Variants in TECPR1 observed in about 807,000 individuals in gnomAD.
TECPR1 encodes tectonin beta-propeller repeat-containing protein 1.
In TECPR1, 122 loss-of-function variants were observed where a neutral mutation model predicts 162.4. That is an observed-to-expected ratio of 0.75 (90% confidence interval 0.65 to 0.87). The LOEUF (loss-of-function observed/expected upper bound fraction) is 0.87. Ranked by LOEUF, TECPR1 falls within the 40% of genes least tolerant of loss-of-function variation. The probability of loss-of-function intolerance (pLI) is 0.00; values close to 1 mark genes in which losing one functional copy is unlikely to be tolerated. For synonymous variants in TECPR1, 642 were observed against 670.6 expected, an observed-to-expected ratio of 0.96 and a Z score of 0.66; for missense variants, 1,432 against 1,618.2, an observed-to-expected ratio of 0.88 and a Z score of 1.97.
chr7:98,217,385 G>T lies in TECPR1; in HGVS notation c.*5C>A, dbSNP rs764533827. ...CGTCCCTGCATGTAGGTGTGTGGGG[G>T]GGCCTCAGCAGCAGACGGGGCCATG... is the stretch of plus-strand genomic sequence containing the variant. On this transcript the variant is annotated 3_prime_UTR_variant, in exon 26 of 26. Coordinates refer to ENST00000447648, the MANE Select transcript of TECPR1 (RefSeq NM_015395.3). 31 of 1,542,770 alleles carry T rather than the reference G, an allele frequency of 2.0e-5. No individual in the cohort carries two copies. Among genetic ancestry groups the T allele is most frequent in the Non-Finnish European group, 2.7e-5 (31 of 1,134,272 alleles).
At position 98,215,937 on chromosome 7, in the gene TECPR1, T is replaced by C. The variant is rs1291116204; in HGVS notation, c.*1453A>G. The C allele has an allele frequency of 1.3e-5, 2 of 152,226 alleles. No homozygotes were observed. The highest frequency in any genetic ancestry group is 3.9e-4 in the East Asian group (2 of 5,166). 9.4% of individuals were successfully genotyped at this position (152,226 alleles called of 1,614,324 possible). A position where few individuals can be genotyped will look rare whatever the true frequency, so the allele number is the denominator to read the frequency against. On this transcript the variant is annotated 3_prime_UTR_variant, in exon 26 of 26. Transcript: ENST00000447648. The stretch of plus-strand genomic sequence containing the variant: ...ATCAGCTTTTGGGTGACAAACCCCA[T>C]ACAGCAAAACTGTACAAATACACAC...
At chr7:98,237,508 A>G (rs10257827) in intron 9 of TECPR1, among the ~76,000 whole-genome samples, 147,300 of 151,894 alleles carry the variant, frequency 0.97, 71,577 homozygotes, top group South Asian at 1. Context: ...TTGCTCTGTC[A>G]CCCAGGCTGG....
rs756758225 is a variant in TECPR1 at position 98,245,073 on chromosome 7, G to T, written c.226-6C>A. 3 of 1,573,222 alleles carry T rather than the reference G, an allele frequency of 1.9e-6. No homozygotes were observed. Among genetic ancestry groups the T allele is most frequent in the Non-Finnish European group, 2.6e-6 (3 of 1,160,306 alleles). ...CCGCCCATGGGATTCCAGCGCTGAG[G>T]GCCGGGGACACAGAGGCGGCCTTGG... On this transcript the variant is annotated splice_polypyrimidine_tract_variant and splice_region_variant and intron_variant, in intron 3 of 25. Coordinates refer to ENST00000447648, the MANE Select transcript of TECPR1 (RefSeq NM_015395.3).
chr7:98,229,308 C>T lies in TECPR1; in HGVS notation c.2283-142G>A, dbSNP rs950526983. ...TCCAAGCACAGACCATCCACCCTGCCTGACCTCCGCGTTCATATTAATCAA... is the reference window on the plus strand; with the variant it reads ...TCCAAGCACAGACCATCCACCCTGCTTGACCTCCGCGTTCATATTAATCAA... On this transcript the variant is annotated intron_variant, in intron 15 of 25. Transcript: ENST00000447648. 3.6e-6 allele frequency: 4 copies of T among 1,109,092 alleles called. No individual in the cohort carries two copies. The African/African-American group carries it at 6.3e-5, about 17-fold the overall frequency. The allele number at this position is 1,109,092 out of a possible 1,614,324, so 68.7% of individuals were successfully genotyped here.
At chr7:98,248,892 T>G (rs1798985353) in intron 2 of TECPR1, among the ~76,000 whole-genome samples, 1 of 148,160 alleles carries the variant, frequency 6.7e-6, no homozygotes, top group African/African-American at 2.5e-5. Context: ...ACAAGGTGCA[T>G]CTTTTTTTTT....
intron 10 of TECPR1, among the ~76,000 whole-genome samples, chr7:98,235,849 A>AAACAAAAAAAAAAAACAAC (rs1554401446): frequency 7.3e-5 from 8 of 110,310 alleles, no homozygotes; most frequent in East Asian, 6.9e-4. Flanking sequence ...AAAAAAAAAA[A>AAACAAAAAAAAAAAACAAC]AACACCATCT....
At position 98,241,031 on chromosome 7, in the gene TECPR1, C is replaced by T; in HGVS notation, c.832+39G>A. On this transcript the variant is annotated intron_variant, in intron 7 of 25. Transcript: ENST00000447648. The surrounding 1 kb of genome is among the most constrained non-coding windows in gnomAD (Gnocchi z 5.0). The stretch of plus-strand genomic sequence containing the variant: ...AGCGAGTGACCCTCACCCTTCTCCC[C>T]AGTACAGGGTATGTGGGTGGGGGAG... 14 of 1,591,300 alleles carry T rather than the reference C, an allele frequency of 8.8e-6. No individual in the cohort carries two copies. Among genetic ancestry groups the T allele is most frequent in the Non-Finnish European group, 1.2e-5 (14 of 1,169,284 alleles).
chr7:98,226,321 A>G (rs891133971), intron 17 of TECPR1, among the ~76,000 whole-genome samples: 1 of 152,254 alleles, frequency 6.6e-6, no homozygotes, highest in Non-Finnish European at 1.5e-5. Flanking sequence ...GTAAACACAC[A>G]GACACACAAA....
rs1797988733 is a variant in TECPR1, at chr7:98,215,655, C to CT, written c.*1734dup. 1 of 152,286 alleles carries CT rather than the reference C, an allele frequency of 6.6e-6. No individual in the cohort carries two copies. Among genetic ancestry groups the CT allele is most frequent in the African/African-American group, 2.4e-5 (1 of 41,474 alleles). 9.4% of individuals were successfully genotyped at this position (152,286 alleles called of 1,614,324 possible). A position where few individuals can be genotyped will look rare whatever the true frequency, so the allele number is the denominator to read the frequency against. On this transcript the variant is annotated 3_prime_UTR_variant, in exon 26 of 26. Transcript: ENST00000447648. ...CTCCCCGTACCTCGCTGAGAGCCAC[C>CT]TGCAGACACAGCAGGCCACAGCAGA...
rs1019312527 is a variant in TECPR1 at position 98,217,815 on chromosome 7, G to A, written c.3265-4C>T. ...CTTTGTTGGCGATCACCCAGACCTG[G>A]AGCACAGACCCCATGAAGCCCTCAG... On this transcript the variant is annotated splice_polypyrimidine_tract_variant and splice_region_variant and intron_variant, in intron 24 of 25. Coordinates refer to ENST00000447648, the MANE Select transcript of TECPR1 (RefSeq NM_015395.3). 3.2e-6 allele frequency: 5 copies of A among 1,549,678 alleles called. No homozygotes were observed. The African/African-American group carries it at 4.1e-5, about 13-fold the overall frequency.
rs547954291 is a variant in TECPR1 at position 98,232,708 on chromosome 7, G to A, written c.1818+119C>T. ...CATTTCTCTATGCCTGCATCTGGGC[G>A]GGAGACCAGGGGATGGAGGCATCTA... is the stretch of plus-strand genomic sequence containing the variant. On this transcript the variant is annotated intron_variant, in intron 12 of 25. Coordinates refer to ENST00000447648, the MANE Select transcript of TECPR1 (RefSeq NM_015395.3). The surrounding 1 kb of genome is among the most constrained non-coding windows in gnomAD (Gnocchi z 4.6). 12 of 1,285,938 alleles carry A rather than the reference G, an allele frequency of 9.3e-6. No individual in the cohort carries two copies. The African/African-American group carries it at 1.2e-4, about 13-fold the overall frequency. 79.7% of individuals were successfully genotyped at this position (1,285,938 alleles called of 1,614,324 possible).
chr7:98,236,440 C>T (rs911710596), intron 10 of TECPR1, among the ~76,000 whole-genome samples: 1 of 151,954 alleles, frequency 6.6e-6, no homozygotes, highest in Non-Finnish European at 1.5e-5. Context: ...GATCTTCAGC[C>T]TCGGACCCAA....
In TECPR1 at chr7:98,216,968, GT is replaced by G. The variant is rs1295438762; in HGVS notation, c.*421del. 4 of 177,546 alleles carry G rather than the reference GT, an allele frequency of 2.3e-5. No homozygotes were observed. The East Asian group carries it at 6.5e-4, about 29-fold the overall frequency. 11.0% of individuals were successfully genotyped at this position (177,546 alleles called of 1,614,324 possible). A position where few individuals can be genotyped will look rare whatever the true frequency, so the allele number is the denominator to read the frequency against. On this transcript the variant is annotated 3_prime_UTR_variant, in exon 26 of 26. Transcript: ENST00000447648. Reference sequence around the variant, plus strand: ...CTGAGCCCCATGGCCATCTCTCTTGGTGAGGGGTGGCGGGCCCGGGTGCTGT... The same window carrying G: ...CTGAGCCCCATGGCCATCTCTCTTGGGAGGGGTGGCGGGCCCGGGTGCTGT...
In TECPR1 at chr7:98,236,898, G is replaced by A. The variant is rs754941877; in HGVS notation, c.1059C>T (p.Asp353=). The change falls in exon 10 of 26, where the codon GAC becomes GAT. Residue 353 remains aspartate (D), a synonymous_variant. Coordinates refer to ENST00000447648, the MANE Select transcript of TECPR1 (RefSeq NM_015395.3). The part of the protein sequence containing the change: ...NDQVWGIGCE[D]RAVYFRQGVT... Reference sequence around the variant, plus strand: ...CACCCTGCCGGAAGTACACGGCTCGGTCCTCACAGCCAATGCCCCACACCT... The same window carrying A: ...CACCCTGCCGGAAGTACACGGCTCGATCCTCACAGCCAATGCCCCACACCT... The A allele has an allele frequency of 1.3e-6, 2 of 1,571,070 alleles. No homozygotes were observed. The highest frequency in any genetic ancestry group is 1.7e-6 in the Non-Finnish European group (2 of 1,159,278).
intron 15 of TECPR1, 75 bp from the exon 16 acceptor site, chr7:98,229,241 C>T (rs1370929609): frequency 4.0e-6 from 6 of 1,504,656 alleles, no homozygotes; most frequent in Non-Finnish European, 5.4e-6. Flanking sequence ...CCCTTTTGTT[C>T]CGTGTCCTCC....
In TECPR1 at chr7:98,224,883, G is replaced by A; in HGVS notation, c.2611-3C>T. On this transcript the variant is annotated splice_polypyrimidine_tract_variant and splice_region_variant and intron_variant, in intron 18 of 25. Transcript: ENST00000447648. Reference sequence around the variant, plus strand: ...AAATCCACGAACCAGTCGGAAACCTGGGAGGAGTGGGTCAGTGAGGATGGG... The same window carrying A: ...AAATCCACGAACCAGTCGGAAACCTAGGAGGAGTGGGTCAGTGAGGATGGG... The A allele has an allele frequency of 3.2e-6, 5 of 1,559,118 alleles. No individual in the cohort carries two copies. The highest frequency in any genetic ancestry group is 1.2e-5 in the South Asian group (1 of 84,492).
At chr7:98,229,189 G>A in intron 15 of TECPR1, 23 bp from the exon 16 acceptor site, 1 of 1,550,328 alleles carries the variant, frequency 6.5e-7, no homozygotes, top group East Asian at 2.4e-5. Flanking sequence ...GAGAGGGCAG[G>A]TGGAAACCCC....
intron 10 of TECPR1, among the ~76,000 whole-genome samples, chr7:98,236,561 G>A (rs139638913): frequency 6.6e-6 from 1 of 151,662 alleles, no homozygotes; most frequent in East Asian, 2.0e-4. Context: ...ACCTCCAGTG[G>A]CCACCCCAGG....
At chr7:98,245,097 G>T (rs1417773606) in intron 3 of TECPR1, 30 bp from the exon 4 acceptor site, 2 of 1,556,876 alleles carry the variant, frequency 1.3e-6, no homozygotes, top group Non-Finnish European at 8.7e-7. Flanking sequence ...AGGCGGCCTT[G>T]GACCCAAGCC....
Sources: gnomAD v4.1 joint callset for allele counts (sites outside exome capture counted in the v4.1 genomes callset) on GRCh38, gnomAD v4.1.1 for gene constraint, Gnocchi (gnomAD v3.1) non-coding constraint, MANE v1.5 for transcripts, NCBI Gene and HGNC (gene_info 2026-07-23, HGNC 2026-07-21) for gene names.